SLC2A9: variants seen among roughly 807,000 people sequenced by gnomAD.
SLC2A9 encodes the protein solute carrier family 2, facilitated glucose transporter member 9.
SLC2A9 carries 39 observed loss-of-function variants against 50.6 expected under a neutral mutation model. The ratio of observed to expected loss-of-function variants is 0.77; its 90% CI spans 0.60 to 1.01. The LOEUF (loss-of-function observed/expected upper bound fraction) is 1.01. Among genes scored for constraint, SLC2A9 ranks in the 50% least tolerant of loss-of-function variants. The pLI is 0.00. For synonymous variants in SLC2A9, 324 were observed against 276.9 expected (o/e 1.17, Z -1.69); for missense variants, 686 against 677.6 (o/e 1.01, Z -0.14).
rs1167834616 is a variant in SLC2A9, at chr4:9,782,223, T to G, written n.386-2158A>C. 3.1e-6 allele frequency: 5 copies of G among 1,612,786 alleles called. No homozygotes were observed. The Admixed American group carries it at 8.3e-5, about 27-fold the overall frequency. On this transcript the variant is annotated intron_variant and non_coding_transcript_variant, in intron 3 of 3. Transcript: ENST00000503803. Reference sequence around the variant, plus strand: ...GGCAACGTGCTGGTGTGCGCAGCCATCGTGCGGAGCCGCCACCTGCGCGCC... The same window carrying G: ...GGCAACGTGCTGGTGTGCGCAGCCAGCGTGCGGAGCCGCCACCTGCGCGCC...
intron 5 of SLC2A9, among the ~76,000 whole-genome samples, chr4:9,945,551 C>A (rs1164570053): frequency 6.6e-6 from 1 of 152,194 alleles, no homozygotes; most frequent in Non-Finnish European, 1.5e-5. Flanking sequence ...GAGGCCACAA[C>A]TCGGTCATAG....
intron 3 of SLC2A9, chr4:9,783,150 G>A: frequency 6.2e-7 from 1 of 1,614,206 alleles, no homozygotes; most frequent in Non-Finnish European, 8.5e-7. Flanking sequence ...CAGCTGCTGG[G>A]GTGCAGCCAC....
At chr4:9,812,897 T>A (rs1167720513) in intron 3 of SLC2A9, among the ~76,000 whole-genome samples, 1 of 152,186 alleles carries the variant, frequency 6.6e-6, no homozygotes, top group Non-Finnish European at 1.5e-5. Context: ...AATGTACAAA[T>A]TTGCCAGGGG....
At chr4:9,927,642 T>C (rs1303372031) in intron 6 of SLC2A9, among the ~76,000 whole-genome samples, 4 of 152,206 alleles carry the variant, frequency 2.6e-5, no homozygotes, top group Non-Finnish European at 5.9e-5. Context: ...GAGGAAGTCA[T>C]TGGGTTTTTA....
chr4:9,942,444 G>T (rs1748339020), intron 5 of SLC2A9, among the ~76,000 whole-genome samples: 1 of 152,150 alleles, frequency 6.6e-6, no homozygotes, highest in Non-Finnish European at 1.5e-5. Flanking sequence ...GAGCCTGCAT[G>T]TGGAGGTGAC....
At chr4:9,927,028 C>T (rs867933789) in intron 6 of SLC2A9, among the ~76,000 whole-genome samples, 11 of 124,666 alleles carry the variant, frequency 8.8e-5, no homozygotes, top group Non-Finnish European at 1.8e-4. Context: ...TTCTGTTGTT[C>T]GATTTTTTTT....
At chr4:9,894,334 A>G (rs1210319270) in intron 8 of SLC2A9, among the ~76,000 whole-genome samples, 2 of 152,246 alleles carry the variant, frequency 1.3e-5, no homozygotes, top group African/African-American at 4.8e-5. Flanking sequence ...AAATCTGTAT[A>G]TACTAAAACA....
intron 3 of SLC2A9, chr4:9,783,983 G>C (rs1409857013): frequency 1.2e-5 from 2 of 168,616 alleles, no homozygotes; most frequent in African/African-American, 4.8e-5. Context: ...ATTTATTCTG[G>C]TGTCTAATAA....
At chr4:9,876,872 C>T (rs1206763659) in intron 10 of SLC2A9, among the ~76,000 whole-genome samples, 1 of 152,138 alleles carries the variant, frequency 6.6e-6, no homozygotes, top group African/African-American at 2.4e-5. Flanking sequence ...TTGATGTGTC[C>T]TGAGCAATGG....
intron 8 of SLC2A9, among the ~76,000 whole-genome samples, chr4:9,896,635 T>G (rs148623947): frequency 1.6e-3 from 245 of 152,342 alleles, no homozygotes; most frequent in African/African-American, 5.8e-3. Context: ...GAAAAATGGT[T>G]TGTGATTCTG....
intron 3 of SLC2A9, among the ~76,000 whole-genome samples, chr4:9,802,238 G>T (rs1227934944): frequency 6.6e-6 from 1 of 151,706 alleles, no homozygotes; most frequent in South Asian, 2.1e-4. Flanking sequence ...CAGATTAAAG[G>T]GTTTGGGAGA....
chr4:9,788,780 T>G (rs1007279970), intron 3 of SLC2A9, among the ~76,000 whole-genome samples: 1 of 152,210 alleles, frequency 6.6e-6, no homozygotes, highest in Non-Finnish European at 1.5e-5. Flanking sequence ...TTGTGTCCTT[T>G]TGACATGCTG....
At chr4:9,963,378 T>C (rs764136827) in intron 5 of SLC2A9, among the ~76,000 whole-genome samples, 7 of 152,158 alleles carry the variant, frequency 4.6e-5, no homozygotes, top group Non-Finnish European at 7.4e-5. Context: ...ATCAGGGTCT[T>C]CTTCATAATT....
At chr4:9,920,720 C>G in intron 6 of SLC2A9, 148 bp from the exon 7 acceptor site, 1 of 851,962 alleles carries the variant, frequency 1.2e-6, no homozygotes, top group Non-Finnish European at 1.9e-6. Flanking sequence ...ACTATGGAGT[C>G]CAAAGCCCTT....
intron 2 of SLC2A9, among the ~76,000 whole-genome samples, chr4:10,014,477 ATCATGC>A (rs1762283705): frequency 6.6e-6 from 1 of 152,142 alleles, no homozygotes; most frequent in African/African-American, 2.4e-5. Context: ...GTGGTGCTGG[ATCATGC>A]TCCTGTTCTG....
intron 3 of SLC2A9, among the ~76,000 whole-genome samples, chr4:9,805,206 C>A (rs1172489321): frequency 4.6e-5 from 7 of 152,148 alleles, no homozygotes; most frequent in African/African-American, 1.7e-4. Context: ...TGCAGTGTAG[C>A]CAGTGGTGCT....
chr4:9,798,210 G>A (rs1720832174), downstream of SLC2A9, among the ~76,000 whole-genome samples: 1 of 152,184 alleles, frequency 6.6e-6, no homozygotes, highest in African/African-American at 2.4e-5. Context: ...CACTGGTGAT[G>A]GAATGCCATT....
In SLC2A9 at chr4:10,011,037, A is replaced by C. The variant is rs141833488; in HGVS notation, c.249+7938T>G. ...GGAATCCATCCAGGTCCATCACCTC[A>C]ATAGTTGCTTCTCATGGATCAGCTA... On this transcript the variant is annotated intron_variant, in intron 2 of 11. Coordinates refer to ENST00000264784, the MANE Select transcript of SLC2A9 (RefSeq NM_020041.3). Among the ~76,000 whole-genome samples, 810 of 152,250 alleles carry C rather than the reference A, an allele frequency of 5.3e-3. 7 individuals are homozygous for C. Among genetic ancestry groups the C allele is most frequent in the Middle Eastern group, 0.02 (6 of 294 alleles).
At chr4:9,904,787 A>G (rs770863247) in intron 8 of SLC2A9, among the ~76,000 whole-genome samples, 10 of 151,380 alleles carry the variant, frequency 6.6e-5, no homozygotes, top group Non-Finnish European at 1.2e-4. Flanking sequence ...ACATTTTTCT[A>G]TTCCACACTC....
Sources: allele counts gnomAD v4.1 joint callset (sites outside exome capture counted in the v4.1 genomes callset), GRCh38; gene constraint gnomAD v4.1.1; transcripts MANE v1.5; gene names NCBI Gene and HGNC (gene_info 2026-07-23, HGNC 2026-07-21).